Variants in SSBP3 observed in about 807,000 individuals in gnomAD.
SSBP3 encodes the protein single-stranded DNA-binding protein 3.
A neutral mutation model predicts 69.6 loss-of-function variants in SSBP3; 5 were observed. That is an observed-to-expected ratio of 0.07 (90% CI 0.04 to 0.15). The LOEUF (loss-of-function observed/expected upper bound fraction) is 0.15, where lower values mean the gene tolerates loss of function less well. SSBP3 is among the 10% of genes least tolerant of loss of function. The pLI, the probability that SSBP3 is intolerant of heterozygous loss-of-function variation, is 1.00. For missense variants in SSBP3, 312 were observed against 534.0 expected, an observed-to-expected ratio of 0.58 and a Z score of 4.10; for synonymous variants, 196 against 193.4, an observed-to-expected ratio of 1.01 and a Z score of -0.11.
intron 4 of SSBP3, chr1:54,287,080 C>G (rs1645504890): frequency 1.3e-5 from 2 of 152,204 alleles, no homozygotes; most frequent in African/African-American, 4.8e-5. Flanking sequence ...GGCCTCATTT[C>G]AAGAACCCCA....
intron 4 of SSBP3, among the ~76,000 whole-genome samples, chr1:54,378,559 C>T (rs1647371742): frequency 1.3e-5 from 2 of 152,232 alleles, no homozygotes; most frequent in Non-Finnish European, 2.9e-5. Context: ...TCCAAAGCTG[C>T]TCCCTCGGAA....
chr1:54,408,264 A>C (rs1649903968), upstream of SSBP3, among the ~76,000 whole-genome samples: 1 of 152,214 alleles, frequency 6.6e-6, no homozygotes, highest in Admixed American at 6.5e-5. Context: ...TGGGAGTTGG[A>C]ATACAAGGAT....
chr1:54,282,803 T>C (rs781518970), intron 4 of SSBP3, among the ~76,000 whole-genome samples: 12 of 152,222 alleles, frequency 7.9e-5, no homozygotes, highest in Non-Finnish European at 1.6e-4. Flanking sequence ...AACCCCACCA[T>C]GACTGAGAAA....
intron 5 of SSBP3, among the ~76,000 whole-genome samples, chr1:54,262,255 C>A (rs981446021): frequency 2.8e-4 from 43 of 152,272 alleles, no homozygotes; most frequent in African/African-American, 9.9e-4. Flanking sequence ...CATTTTATTG[C>A]CAAGGAACTG....
rs138274917 is a variant in SSBP3 at position 54,248,098 on chromosome 1, G to A, written c.651+3518C>T. 2.9e-3 allele frequency among the ~76,000 whole-genome samples: 446 copies of A among 152,264 alleles called. 4 individuals carry two copies. The highest frequency in any genetic ancestry group is 9.4e-3 in the African/African-American group (390 of 41,538). On this transcript the variant is annotated intron_variant, in intron 9 of 17. Transcript: ENST00000610401. ...TTTGAAATAAAGTAGCCCTATGACCGACCACGCTGTACCTATTCTTTGTTC... is the reference window on the plus strand; with the variant it reads ...TTTGAAATAAAGTAGCCCTATGACCAACCACGCTGTACCTATTCTTTGTTC...
At chr1:54,353,412 A>G (rs1371045367) in intron 4 of SSBP3, among the ~76,000 whole-genome samples, 1 of 152,320 alleles carries the variant, frequency 6.6e-6, no homozygotes, top group East Asian at 1.9e-4. Flanking sequence ...CCTGTGACTT[A>G]CACACATGTG....
chr1:54,385,569 G>A (rs1648021752), intron 4 of SSBP3, among the ~76,000 whole-genome samples: 2 of 152,188 alleles, frequency 1.3e-5, no homozygotes, highest in South Asian at 2.1e-4. Context: ...TCCAAATTCA[G>A]AACATACCCC....
At chr1:54,293,915 T>C (rs1319839946) in intron 4 of SSBP3, among the ~76,000 whole-genome samples, 1 of 151,972 alleles carries the variant, frequency 6.6e-6, no homozygotes, top group Non-Finnish European at 1.5e-5. Flanking sequence ...GGCGGGTGGA[T>C]TACCTGAGGT....
chr1:54,288,231 G>A (rs753217385), intron 4 of SSBP3, among the ~76,000 whole-genome samples: 4 of 152,136 alleles, frequency 2.6e-5, no homozygotes, highest in Non-Finnish European at 4.4e-5. Context: ...CTGCACTGAG[G>A]GTCCCAGGAT....
chr1:54,342,829 C>T (rs1399063215), intron 4 of SSBP3, among the ~76,000 whole-genome samples: 1 of 152,334 alleles, frequency 6.6e-6, no homozygotes, highest in East Asian at 1.9e-4. Context: ...TCCCACACCC[C>T]AGCCCTCTGG....
At chr1:54,366,861 G>A (rs1647036483) in intron 4 of SSBP3, among the ~76,000 whole-genome samples, 1 of 152,138 alleles carries the variant, frequency 6.6e-6, no homozygotes, top group Non-Finnish European at 1.5e-5. Flanking sequence ...TTCCTGGACC[G>A]AAAGCTTGGT....
intron 5 of SSBP3, among the ~76,000 whole-genome samples, chr1:54,276,847 C>G: frequency 6.6e-6 from 1 of 152,136 alleles, no homozygotes; most frequent in South Asian, 2.1e-4. Flanking sequence ...CCAGCCTCAT[C>G]TCCCGCTGAG....
chr1:54,291,715 A>C (rs1252725521), intron 4 of SSBP3, among the ~76,000 whole-genome samples: 1 of 152,234 alleles, frequency 6.6e-6, no homozygotes, highest in African/African-American at 2.4e-5. Context: ...CAGAGGGTTT[A>C]GCAAATAAAG....
intron 4 of SSBP3, among the ~76,000 whole-genome samples, chr1:54,323,514 C>T (rs1031667883): frequency 1.3e-5 from 2 of 152,198 alleles, no homozygotes; most frequent in African/African-American, 4.8e-5. Flanking sequence ...CTGTCCTGGC[C>T]TGCTCATCAG....
At position 54,393,852 on chromosome 1, in the gene SSBP3, C is replaced by G. The variant is rs999943883; in HGVS notation, c.276+8009G>C. On this transcript the variant is annotated intron_variant, in intron 4 of 17. Coordinates refer to ENST00000610401, the Ensembl canonical transcript of SSBP3. ...TTGGCTCACTGCAACCTCCACCTCC[C>G]GGGTTCAAACTATTCTCCTGCCTCA... Among the ~76,000 whole-genome samples the G allele has an allele frequency of 5.3e-5, 8 of 152,120 alleles. No homozygotes were observed. The South Asian group carries it at 1.0e-3, about 20-fold the overall frequency.
At chr1:54,371,894 C>G (rs1249882666) in intron 4 of SSBP3, among the ~76,000 whole-genome samples, 1 of 152,154 alleles carries the variant, frequency 6.6e-6, no homozygotes, top group Non-Finnish European at 1.5e-5. Context: ...GAAGGGCCTC[C>G]CACAACATGA....
intron 4 of SSBP3, among the ~76,000 whole-genome samples, chr1:54,377,663 C>T (rs1658066220): frequency 6.6e-6 from 1 of 152,152 alleles, no homozygotes; most frequent in Non-Finnish European, 1.5e-5. Flanking sequence ...CTAATGGATT[C>T]CTGTGGCTTG....
Position 54,284,896 on chromosome 1 carries a change from T to C in SSBP3, c.277-3369A>G, listed in dbSNP as rs1335111771. ...CAATGGTTCTAGGAACTGAAGGTAGTGGATGGTCCACAGTTCTTTGAATGC... is the reference window on the plus strand; with the variant it reads ...CAATGGTTCTAGGAACTGAAGGTAGCGGATGGTCCACAGTTCTTTGAATGC... On this transcript the variant is annotated intron_variant, in intron 4 of 17. Coordinates refer to ENST00000610401, the Ensembl canonical transcript of SSBP3. Among the ~76,000 whole-genome samples the C allele has an allele frequency of 2.6e-5, 4 of 152,278 alleles. 1 individual carries two copies. Among genetic ancestry groups the C allele is most frequent in the African/African-American group, 4.8e-5 (2 of 41,550 alleles).
At chr1:54,313,223 T>C (rs1422643849) in intron 4 of SSBP3, among the ~76,000 whole-genome samples, 4 of 151,806 alleles carry the variant, frequency 2.6e-5, no homozygotes, top group Admixed American at 1.3e-4. Flanking sequence ...ATCGGGGTAA[T>C]CAATCCTGTT....
Sources: allele counts gnomAD v4.1 joint callset (sites outside exome capture counted in the v4.1 genomes callset), GRCh38; gene constraint gnomAD v4.1.1; transcripts MANE v1.5; gene names NCBI Gene and HGNC (gene_info 2026-07-23, HGNC 2026-07-21).